TLL1: variants seen among roughly 807,000 people sequenced by gnomAD.
The protein encoded by TLL1 is tolloid like 1.
TLL1 carries 49 observed loss-of-function variants against 128.2 expected under a neutral mutation model. That is an observed-to-expected ratio of 0.38 (90% CI 0.30 to 0.48). The LOEUF (loss-of-function observed/expected upper bound fraction) is 0.48, where lower values mean the gene tolerates loss of function less well. TLL1 is among the 20% of genes least tolerant of loss of function. The probability of loss-of-function intolerance (pLI) is 0.96; values close to 1 mark genes in which losing one functional copy is unlikely to be tolerated. For synonymous variants in TLL1, 454 were observed against 418.8 expected, an observed-to-expected ratio of 1.08 and a Z score of -1.03; for missense variants, 1,123 against 1,242.0, an observed-to-expected ratio of 0.90 and a Z score of 1.44.
intron 1 of TLL1, among the ~76,000 whole-genome samples, chr4:165,882,806 C>T (rs564936699): frequency 1.6e-4 from 24 of 151,866 alleles, no homozygotes; most frequent in African/African-American, 5.8e-4. Context: ...TTAGTAGAGA[C>T]GGGGTTTCTC....
At chr4:165,883,467 T>C (rs1731046341) in intron 1 of TLL1, among the ~76,000 whole-genome samples, 4 of 152,228 alleles carry the variant, frequency 2.6e-5, no homozygotes, top group Admixed American at 2.6e-4. Context: ...TAACCATGTG[T>C]GGCTTTCAGC....
chr4:165,932,886 G>A (rs1222838326), intron 1 of TLL1, among the ~76,000 whole-genome samples: 1 of 152,098 alleles, frequency 6.6e-6, no homozygotes, highest in African/African-American at 2.4e-5. Context: ...GAAAAGAGCT[G>A]TTAAAGCTGC....
intron 9 of TLL1, among the ~76,000 whole-genome samples, chr4:166,027,545 A>G (rs1314220324): frequency 2.0e-5 from 3 of 152,212 alleles, no homozygotes; most frequent in African/African-American, 7.2e-5. Flanking sequence ...ACATGAATGC[A>G]TGCATAGTTC....
chr4:166,076,647 C>A (rs1490693517), intron 17 of TLL1, among the ~76,000 whole-genome samples: 1 of 152,184 alleles, frequency 6.6e-6, no homozygotes, highest in Non-Finnish European at 1.5e-5. Context: ...TCAACCTAGT[C>A]TCAGTGTCAT....
At chr4:166,067,565 T>A (rs1740625415) in intron 16 of TLL1, among the ~76,000 whole-genome samples, 1 of 151,752 alleles carries the variant, frequency 6.6e-6, no homozygotes, top group African/African-American at 2.4e-5. Context: ...TGGTAGTACT[T>A]GAGCCAATAA....
chr4:165,947,475 G>A (rs1269918858), intron 1 of TLL1, among the ~76,000 whole-genome samples: 1 of 151,942 alleles, frequency 6.6e-6, no homozygotes, highest in Non-Finnish European at 1.5e-5. Flanking sequence ...GGGAAAAACT[G>A]TCAAACAAAA....
chr4:166,062,254 G>A (rs1200359517), intron 15 of TLL1, among the ~76,000 whole-genome samples: 3 of 152,156 alleles, frequency 2.0e-5, no homozygotes, highest in Non-Finnish European at 4.4e-5. Context: ...ATTCTGTGAA[G>A]AAAGTCATTG....
intron 1 of TLL1, among the ~76,000 whole-genome samples, chr4:165,896,153 A>G (rs1057361136): frequency 6.6e-6 from 1 of 152,044 alleles, no homozygotes; most frequent in African/African-American, 2.4e-5. Context: ...TCATTGTTCA[A>G]TTCCAGCTTA....
At chr4:166,062,996 G>C (rs1372056444) in intron 15 of TLL1, among the ~76,000 whole-genome samples, 1 of 152,042 alleles carries the variant, frequency 6.6e-6, no homozygotes, top group African/African-American at 2.4e-5. Context: ...TTTGTCTTTG[G>C]TTCTGTTTAT....
intron 1 of TLL1, among the ~76,000 whole-genome samples, chr4:165,987,389 G>C (rs887381794): frequency 2.0e-5 from 3 of 152,100 alleles, no homozygotes; most frequent in Non-Finnish European, 4.4e-5. Context: ...TCTGGCTTTA[G>C]GGATGCTGGA....
At chr4:166,047,957 C>A (rs1739533834) in intron 12 of TLL1, among the ~76,000 whole-genome samples, 1 of 151,986 alleles carries the variant, frequency 6.6e-6, no homozygotes, top group African/African-American at 2.4e-5. Flanking sequence ...GGCCTAGGGG[C>A]TAGGTGCTGT....
chr4:166,007,465 G>A (rs1444154253), intron 6 of TLL1, among the ~76,000 whole-genome samples: 2 of 151,638 alleles, frequency 1.3e-5, no homozygotes, highest in African/African-American at 4.8e-5. Context: ...AAAGCCTGCA[G>A]AGCTCTGTTT....
At chr4:165,956,599 A>G (rs1734809914) in intron 1 of TLL1, among the ~76,000 whole-genome samples, 1 of 152,036 alleles carries the variant, frequency 6.6e-6, no homozygotes, top group African/African-American at 2.4e-5. Flanking sequence ...TTCCCTAAAA[A>G]TCACTGTTAT....
intron 1 of TLL1, among the ~76,000 whole-genome samples, chr4:165,886,133 G>A (rs961547108): frequency 2.0e-5 from 3 of 152,104 alleles, no homozygotes; most frequent in Non-Finnish European, 4.4e-5. Flanking sequence ...AGGAAGTCCA[G>A]TAGAAATCAA....
At chr4:166,007,850 C>A in intron 6 of TLL1, 93 bp from the exon 7 acceptor site, 1 of 813,970 alleles carries the variant, frequency 1.2e-6, no homozygotes, top group Non-Finnish European at 2.2e-6. Flanking sequence ...TCAGTCATTT[C>A]ACAAAGAACA....
intron 1 of TLL1, among the ~76,000 whole-genome samples, chr4:165,945,480 C>T (rs568763570): frequency 2.0e-5 from 3 of 152,044 alleles, no homozygotes; most frequent in African/African-American, 7.2e-5. Flanking sequence ...AATGGTAGGG[C>T]TTTCAGTGTG....
At chr4:165,934,654 T>A (rs1733685915) in intron 1 of TLL1, among the ~76,000 whole-genome samples, 1 of 152,198 alleles carries the variant, frequency 6.6e-6, no homozygotes, top group Non-Finnish European at 1.5e-5. Context: ...TTCTTCTTAT[T>A]CTGTACCACG....
At chr4:165,902,413 G>A (rs1287075405) in intron 1 of TLL1, among the ~76,000 whole-genome samples, 1 of 152,230 alleles carries the variant, frequency 6.6e-6, no homozygotes, top group Non-Finnish European at 1.5e-5. Flanking sequence ...TGTGGTGTAG[G>A]CACCTGAGGG....
chr4:166,001,027 A>G (rs1442265545), intron 5 of TLL1, among the ~76,000 whole-genome samples: 1 of 152,174 alleles, frequency 6.6e-6, no homozygotes. Context: ...TGAAAATGAA[A>G]AAAAAGGGTA....
Sources: gnomAD v4.1 joint callset for allele counts (sites outside exome capture counted in the v4.1 genomes callset) on GRCh38, gnomAD v4.1.1 for gene constraint, MANE v1.5 for transcripts, NCBI Gene and HGNC (gene_info 2026-07-23, HGNC 2026-07-21) for gene names.